SORCS3: variants seen among roughly 807,000 people sequenced by gnomAD.
SORCS3 encodes VPS10 domain-containing receptor SorCS3.
A neutral mutation model predicts 146.3 loss-of-function variants in SORCS3; 57 were observed. The ratio of observed to expected loss-of-function variants is 0.39; its 90% confidence interval spans 0.31 to 0.49. The LOEUF is 0.49. Ranked by LOEUF, SORCS3 falls within the 20% of genes least tolerant of loss-of-function variation. SORCS3 has a pLI of 0.92. For synonymous variants in SORCS3, 653 were observed against 618.5 expected (o/e 1.06, Z -0.83); for missense variants, 1,341 against 1,575.5 (o/e 0.85, Z 2.52).
intron 6 of SORCS3, among the ~76,000 whole-genome samples, chr10:105,094,820 G>A (rs543245619): frequency 6.6e-6 from 1 of 152,276 alleles, no homozygotes; most frequent in South Asian, 2.1e-4. Flanking sequence ...GAAGAAACTT[G>A]CAAGTTCCCA....
intron 3 of SORCS3, among the ~76,000 whole-genome samples, chr10:104,925,980 A>G (rs1458001609): frequency 1.3e-5 from 2 of 152,252 alleles, no homozygotes; most frequent in African/African-American, 2.4e-5. Flanking sequence ...TGAGCTACAG[A>G]AACAGAAAGA....
intron 3 of SORCS3, among the ~76,000 whole-genome samples, chr10:104,922,599 T>C (rs1435861325): frequency 1.3e-5 from 2 of 152,236 alleles, no homozygotes; most frequent in Non-Finnish European, 2.9e-5. Context: ...TAGCCAGTTA[T>C]TGTTAACATC....
chr10:105,262,599 T>A, intron 26 of SORCS3, 108 bp downstream of exon 26: 3 of 1,101,128 alleles, frequency 2.7e-6, no homozygotes, highest in Non-Finnish European at 3.8e-6. Context: ...GACAAACAAC[T>A]ACCTACAGTG....
chr10:104,730,105 A>C (rs546920135), intron 1 of SORCS3, among the ~76,000 whole-genome samples: 1 of 152,342 alleles, frequency 6.6e-6, no homozygotes, highest in East Asian at 1.9e-4. Flanking sequence ...CTAAGAGTCA[A>C]AATTCATGTT....
At chr10:105,016,179 G>A (rs1382115045) in intron 4 of SORCS3, among the ~76,000 whole-genome samples, 1 of 113,882 alleles carries the variant, frequency 8.8e-6, no homozygotes. Flanking sequence ...TTGAGATGGA[G>A]TCTCGCTCTG....
chr10:104,689,448 T>C (rs1007179047), intron 1 of SORCS3, among the ~76,000 whole-genome samples: 4 of 152,236 alleles, frequency 2.6e-5, no homozygotes, highest in African/African-American at 9.6e-5. Context: ...AGACTGGAAG[T>C]TCCATGAATT....
intron 7 of SORCS3, among the ~76,000 whole-genome samples, chr10:105,128,895 C>T (rs1408709636): frequency 6.6e-6 from 1 of 152,100 alleles, no homozygotes; most frequent in African/African-American, 2.4e-5. Context: ...TCACAAGAAT[C>T]TTGTGAGAGA....
intron 5 of SORCS3, among the ~76,000 whole-genome samples, chr10:105,076,182 T>C (rs889747222): frequency 5.9e-5 from 9 of 152,212 alleles, no homozygotes; most frequent in African/African-American, 1.9e-4. Flanking sequence ...AGGTTAACTA[T>C]AACTTGCCCA....
intron 20 of SORCS3, among the ~76,000 whole-genome samples, chr10:105,242,807 TTATATATATTTTTATATATAAATTATA>T (rs2056841570): frequency 1.0e-5 from 1 of 97,472 alleles, no homozygotes; most frequent in Non-Finnish European, 1.8e-5. Flanking sequence ...TATATATAAT[TTATATATATTTTTATATATAAATTATA>T]TATATATTTT....
chr10:104,711,425 A>G (rs2016415071), intron 1 of SORCS3, among the ~76,000 whole-genome samples: 1 of 152,324 alleles, frequency 6.6e-6, no homozygotes, highest in South Asian at 2.1e-4. Context: ...TTTACATGAG[A>G]AAACTGAGGC....
intron 2 of SORCS3, among the ~76,000 whole-genome samples, chr10:104,867,461 C>G (rs922338105): frequency 1.3e-5 from 2 of 152,224 alleles, no homozygotes; most frequent in African/African-American, 2.4e-5. Context: ...AGGTGCCCAC[C>G]ACCACGCCCG....
chr10:104,984,452 AATAT>A (rs2133657174), intron 4 of SORCS3, among the ~76,000 whole-genome samples: 1 of 152,276 alleles, frequency 6.6e-6, no homozygotes, highest in Non-Finnish European at 1.5e-5. Context: ...ATATCTTGGC[AATAT>A]ATATCAGAAA....
intron 3 of SORCS3, among the ~76,000 whole-genome samples, chr10:104,917,718 A>C (rs1374866768): frequency 6.6e-6 from 1 of 152,196 alleles, no homozygotes; most frequent in Non-Finnish European, 1.5e-5. Context: ...TAGATTCCAC[A>C]TATGCGTGAG....
intron 4 of SORCS3, among the ~76,000 whole-genome samples, chr10:104,991,115 C>A (rs147185350): frequency 1.3e-5 from 2 of 152,132 alleles, no homozygotes; most frequent in Admixed American, 1.3e-4. Flanking sequence ...CCAGGACATA[C>A]TTTTGACTCC....
At chr10:105,190,803 A>T (rs1278445738) in intron 14 of SORCS3, among the ~76,000 whole-genome samples, 2 of 152,326 alleles carry the variant, frequency 1.3e-5, no homozygotes, top group East Asian at 3.9e-4. Context: ...CATAAGGCAC[A>T]CTGTCTGCCC....
chr10:104,707,264 G>A (rs919877665), intron 1 of SORCS3, among the ~76,000 whole-genome samples: 3 of 152,150 alleles, frequency 2.0e-5, no homozygotes, highest in Non-Finnish European at 4.4e-5. Flanking sequence ...ATAAGAAAGA[G>A]AATAATAGGA....
intron 1 of SORCS3, among the ~76,000 whole-genome samples, chr10:104,759,725 C>T (rs541607569): frequency 6.6e-6 from 1 of 152,214 alleles, no homozygotes; most frequent in South Asian, 2.1e-4. Flanking sequence ...CTCTCCTTTG[C>T]TGTAACTTAC....
At chr10:105,172,141 A>G (rs566460736) in intron 13 of SORCS3, among the ~76,000 whole-genome samples, 24 of 152,322 alleles carry the variant, frequency 1.6e-4, no homozygotes, top group Non-Finnish European at 2.6e-4. Flanking sequence ...TAAGCCTGCT[A>G]CAGAGTTACG....
At chr10:105,111,016 T>G (rs1369600217) in intron 7 of SORCS3, among the ~76,000 whole-genome samples, 1 of 152,130 alleles carries the variant, frequency 6.6e-6, no homozygotes, top group Non-Finnish European at 1.5e-5. Flanking sequence ...CTCTGTGACC[T>G]GGATCCTACC....
Sources: gnomAD v4.1 joint callset for allele counts (sites outside exome capture counted in the v4.1 genomes callset) on GRCh38, gnomAD v4.1.1 for gene constraint, MANE v1.5 for transcripts, NCBI Gene and HGNC (gene_info 2026-07-23, HGNC 2026-07-21) for gene names.